Variants in AGO4 observed in about 807,000 individuals in gnomAD.
AGO4 encodes argonaute RISC component 4.
Under a neutral mutation model 104.7 loss-of-function variants are expected in AGO4, and 33 were observed. The ratio of observed to expected loss-of-function variants is 0.32; its 90% CI spans 0.24 to 0.42. The LOEUF (loss-of-function observed/expected upper bound fraction) is 0.42. Among genes scored for constraint, AGO4 ranks in the 10% least tolerant of loss-of-function variants. The pLI, the probability that AGO4 is intolerant of heterozygous loss-of-function variation, is 1.00. For synonymous variants in AGO4, 331 were observed against 364.7 expected (o/e 0.91, Z 1.05); for missense variants, 711 against 1,083.4 (o/e 0.66, Z 4.83).
chr1:35,830,724 C>T (rs528091901), intron 7 of AGO4, among the ~76,000 whole-genome samples: 2 of 152,062 alleles, frequency 1.3e-5, no homozygotes, highest in Admixed American at 6.5e-5. Flanking sequence ...ACCTGTGATC[C>T]CAGCACTTTG....
chr1:35,844,504 A>G (rs907093969), intron 15 of AGO4, among the ~76,000 whole-genome samples: 3 of 152,030 alleles, frequency 2.0e-5, no homozygotes, highest in Non-Finnish European at 2.9e-5. Context: ...TAATAACTCT[A>G]TTGCCAACAA....
intron 7 of AGO4, among the ~76,000 whole-genome samples, chr1:35,829,005 A>G (rs1236433066): frequency 6.6e-6 from 1 of 151,334 alleles, no homozygotes; most frequent in Non-Finnish European, 1.5e-5. Context: ...CATTTACATT[A>G]TTTTGGTTAC....
At chr1:35,853,248 C>CAAAAAAAA (rs767922952) in intron 17 of AGO4, among the ~76,000 whole-genome samples, 1 of 64,956 alleles carries the variant, frequency 1.5e-5, no homozygotes. Context: ...GACTCTGTCT[C>CAAAAAAAA]AAAAAAAAAA....
intron 2 of AGO4, among the ~76,000 whole-genome samples, chr1:35,822,301 G>T (rs1179755543): frequency 1.3e-5 from 2 of 152,072 alleles, no homozygotes; most frequent in Admixed American, 1.3e-4. Flanking sequence ...TGTTGCCCAG[G>T]ATGGAGTGCA....
intron 1 of AGO4, among the ~76,000 whole-genome samples, chr1:35,812,191 T>TAA: frequency 7.5e-6 from 1 of 134,010 alleles, no homozygotes. Context: ...TAGCCCAAAT[T>TAA]AAAAAAAAAA....
chr1:35,814,900 C>T (rs1190294166), intron 1 of AGO4, among the ~76,000 whole-genome samples: 1 of 152,106 alleles, frequency 6.6e-6, no homozygotes, highest in African/African-American at 2.4e-5. Context: ...TTGTTTTAGA[C>T]TGAGTCTCCC....
intron 8 of AGO4, 69 bp downstream of exon 8, chr1:35,831,643 A>C: frequency 6.4e-7 from 1 of 1,557,510 alleles, no homozygotes; most frequent in East Asian, 2.3e-5. Context: ...GTAGAGTTCT[A>C]AACTAGTGGT....
In AGO4 at chr1:35,825,379, G is replaced by A. The variant is rs377325462; in HGVS notation, c.373G>A (p.Val125Met). ...AACATTTAAAGTGTCTGTTCAGTGG[G>A]TGTCAGTTGTGAGCCTTCAGTTGCT... ...DQTFKVSVQW[V>M]SVVSLQLLLE... The change falls in exon 4 of 18, where the codon GTG becomes ATG. Residue 125 changes from valine to methionine, a missense_variant. Around this residue, in one of 3 missense-constraint regions of AGO4, gnomAD observed 308 missense variants for 397.8 expected, o/e 0.77. Transcript: ENST00000373210. The A allele has an allele frequency of 1.2e-6, 2 of 1,614,166 alleles. No individual in the cohort carries two copies. The highest frequency in any genetic ancestry group is 8.5e-7 in the Non-Finnish European group (1 of 1,180,040).
rs1644384310 is a variant in AGO4, at chr1:35,839,265, G to A, written c.1725-1900G>A. ...CAACACAGTTCTCATTTTTGTCCTTGGATGAAACTTCTAGGTAAATAAATC... is the reference window on the plus strand; with the variant it reads ...CAACACAGTTCTCATTTTTGTCCTTAGATGAAACTTCTAGGTAAATAAATC... On this transcript the variant is annotated intron_variant, in intron 13 of 17. Coordinates refer to ENST00000373210, the MANE Select transcript of AGO4 (RefSeq NM_017629.4). 2.0e-5 allele frequency among the ~76,000 whole-genome samples: 3 copies of A among 152,222 alleles called. No individual in the cohort carries two copies. In the South Asian group the frequency reaches 6.2e-4, roughly 32 times the overall value.
At chr1:35,831,369 AAAAG>A in intron 7 of AGO4, 54 bp from the exon 8 acceptor site, 1 of 1,540,332 alleles carries the variant, frequency 6.5e-7, no homozygotes, top group Non-Finnish European at 8.7e-7. Context: ...AGAAAAAAGA[AAAAG>A]AAGAAAAGAA....
intron 2 of AGO4, among the ~76,000 whole-genome samples, chr1:35,818,657 G>GA (rs1557552212): frequency 8.0e-6 from 1 of 124,860 alleles, no homozygotes; most frequent in Non-Finnish European, 1.8e-5. Flanking sequence ...AAGAAAGAAA[G>GA]AAAGGAAGAA....
intron 3 of AGO4, among the ~76,000 whole-genome samples, chr1:35,823,792 C>G (rs1382341828): frequency 2.0e-5 from 3 of 149,832 alleles, no homozygotes; most frequent in Non-Finnish European, 4.4e-5. Flanking sequence ...CCATGTTGGA[C>G]AGGCTGGTGT....
At chr1:35,824,002 G>A (rs181110925) in intron 3 of AGO4, among the ~76,000 whole-genome samples, 4 of 152,226 alleles carry the variant, frequency 2.6e-5, no homozygotes, top group Admixed American at 6.6e-5. Context: ...TCATCTTTAC[G>A]TAATTTCTCA....
chr1:35,829,698 A>G (rs1022637375), intron 7 of AGO4, among the ~76,000 whole-genome samples: 3 of 151,710 alleles, frequency 2.0e-5, no homozygotes, highest in Non-Finnish European at 4.4e-5. Context: ...TTAGCTGGGC[A>G]TGGTGGCAGG....
At chr1:35,846,474 G>A (rs1211514381) in intron 15 of AGO4, among the ~76,000 whole-genome samples, 1 of 152,018 alleles carries the variant, frequency 6.6e-6, no homozygotes, top group Middle Eastern at 3.2e-3. Flanking sequence ...GCAGGCGCCT[G>A]TAGTCCCAGC....
rs911249240 is a variant in AGO4 at position 35,831,308 on chromosome 1, C to T, written c.849-119C>T. The stretch of plus-strand genomic sequence containing the variant: ...ACCCGGGAGGCGGAGGTTGAGATCA[C>T]GCCATGCACTCCAGCCTGGGCGACA... On this transcript the variant is annotated intron_variant, in intron 7 of 17. Transcript: ENST00000373210. 1.1e-5 allele frequency: 12 copies of T among 1,075,270 alleles called. No homozygotes were observed. In the South Asian group the frequency reaches 1.1e-4, roughly 10 times the overall value. 66.6% of individuals were successfully genotyped at this position (1,075,270 alleles called of 1,614,324 possible). A position where few individuals can be genotyped will look rare whatever the true frequency, so the allele number is the denominator to read the frequency against.
chr1:35,831,697 C>G, intron 8 of AGO4, 115 bp from the exon 9 acceptor site: 1 of 1,541,102 alleles, frequency 6.5e-7, no homozygotes. Context: ...CAGATGATTT[C>G]ACTATATAAC....
intron 13 of AGO4, among the ~76,000 whole-genome samples, chr1:35,839,067 G>A (rs918460053): frequency 7.2e-5 from 11 of 151,912 alleles, no homozygotes; most frequent in African/African-American, 1.9e-4. Context: ...TGCAAACTCC[G>A]CCTCCCAGGC....
At chr1:35,846,272 CA>C (rs1644569933) in intron 15 of AGO4, among the ~76,000 whole-genome samples, 1 of 152,062 alleles carries the variant, frequency 6.6e-6, no homozygotes, top group African/African-American at 2.4e-5. Flanking sequence ...TTCTTTGCCC[CA>C]TTTCCAGTCC....
Sources: allele counts gnomAD v4.1 joint callset (sites outside exome capture counted in the v4.1 genomes callset), GRCh38; gene constraint gnomAD v4.1.1; regional missense constraint gnomAD v4.1.1; transcripts MANE v1.5; gene names NCBI Gene and HGNC (gene_info 2026-07-23, HGNC 2026-07-21).